Variants in ATP8B1 observed in about 807,000 individuals in gnomAD.
ATP8B1 encodes the protein ATPase phospholipid transporting 8B1.
A neutral mutation model predicts 149.9 loss-of-function variants in ATP8B1; 80 were observed. That is an observed-to-expected ratio of 0.53 (90% CI 0.45 to 0.64). The LOEUF is 0.64. ATP8B1 is among the 30% of genes least tolerant of loss of function. ATP8B1 has a pLI of 0.00. For synonymous variants in ATP8B1, 536 were observed against 562.8 expected, an observed-to-expected ratio of 0.95 and a Z score of 0.67; for missense variants, 1,247 against 1,552.6, an observed-to-expected ratio of 0.80 and a Z score of 3.31.
chr18:57,743,999 G>A (rs77562462), intron 1 of ATP8B1, among the ~76,000 whole-genome samples: 11,951 of 152,126 alleles, frequency 0.079, 619 homozygotes, highest in Middle Eastern at 0.15. Context: ...CTCAGTGCAT[G>A]AATCTAGCCA....
intron 4 of ATP8B1, 118 bp downstream of exon 4, chr18:57,704,437 C>CAG: frequency 1.3e-6 from 1 of 745,560 alleles, no homozygotes; most frequent in Admixed American, 2.1e-5. Flanking sequence ...CCTTTATGTA[C>CAG]AGAACCCTGA....
intron 4 of ATP8B1, 92 bp downstream of exon 4, chr18:57,704,463 C>T: frequency 1.1e-6 from 1 of 906,822 alleles, no homozygotes; most frequent in Non-Finnish European, 1.8e-6. Context: ...ATATAAAACA[C>T]TTTCAAGATT....
At chr18:57,777,224 C>T (rs145993144) in intron 1 of ATP8B1, among the ~76,000 whole-genome samples, 19 of 152,244 alleles carry the variant, frequency 1.2e-4, no homozygotes, top group African/African-American at 4.6e-4. Flanking sequence ...GCAATCTGCC[C>T]GGCTCAGCAT....
intron 1 of ATP8B1, among the ~76,000 whole-genome samples, chr18:57,774,604 A>AAAT (rs372007522): frequency 5.8e-4 from 51 of 88,624 alleles, no homozygotes; most frequent in African/African-American, 2.3e-3. Flanking sequence ...TCTCAAAAAT[A>AAAT]AATAAAATTT....
chr18:57,742,826 TA>T (rs35306074), intron 1 of ATP8B1, among the ~76,000 whole-genome samples: 91,545 of 143,940 alleles, frequency 0.64, 28,679 homozygotes, highest in African/African-American at 0.71. Flanking sequence ...CCCATCTCTA[TA>T]AAAAAAAAAA....
chr18:57,719,244 C>T (rs2079613240), intron 2 of ATP8B1, among the ~76,000 whole-genome samples: 1 of 152,062 alleles, frequency 6.6e-6, no homozygotes, highest in South Asian at 2.1e-4. Context: ...GAAAATAATC[C>T]CATTGGGAGG....
At chr18:57,659,843 A>C (rs980227396) in intron 22 of ATP8B1, 1 of 152,216 alleles carries the variant, frequency 6.6e-6, no homozygotes, top group African/African-American at 2.4e-5. Context: ...CAGACTCATG[A>C]GTCACAAAAT....
intron 1 of ATP8B1, among the ~76,000 whole-genome samples, chr18:57,767,487 A>G (rs2080222034): frequency 6.6e-6 from 1 of 152,204 alleles, no homozygotes; most frequent in African/African-American, 2.4e-5. Flanking sequence ...ACTAGGGGCT[A>G]GAAACAGGAA....
At chr18:57,755,298 A>G (rs778459259) in intron 1 of ATP8B1, 1 of 152,204 alleles carries the variant, frequency 6.6e-6, no homozygotes, top group Non-Finnish European at 1.5e-5. Flanking sequence ...CATGCATTAT[A>G]TAATAACATC....
chr18:57,708,999 T>TG (rs1240485315), intron 2 of ATP8B1, among the ~76,000 whole-genome samples: 1 of 152,164 alleles, frequency 6.6e-6, no homozygotes, highest in African/African-American at 2.4e-5. Flanking sequence ...GCCAATACTG[T>TG]GGGGAGCCTG....
At chr18:57,685,750 G>A (rs1354370702) in intron 13 of ATP8B1, among the ~76,000 whole-genome samples, 1 of 151,486 alleles carries the variant, frequency 6.6e-6, no homozygotes, top group East Asian at 1.9e-4. Context: ...TGGCTAGCAT[G>A]GTGAAACTCC....
chr18:57,698,961 T>C (rs1912972606), intron 6 of ATP8B1, among the ~76,000 whole-genome samples: 1 of 152,234 alleles, frequency 6.6e-6, no homozygotes, highest in Non-Finnish European at 1.5e-5. Flanking sequence ...TGTCTTGAAC[T>C]ATAAATTTCT....
At chr18:57,694,481 C>A in intron 11 of ATP8B1, 101 bp downstream of exon 11, 1 of 824,420 alleles carries the variant, frequency 1.2e-6, no homozygotes, top group Non-Finnish European at 2.0e-6. Flanking sequence ...TTTTCTATTC[C>A]ACCTAAAGAG....
At chr18:57,714,682 G>A (rs1007661928) in intron 2 of ATP8B1, among the ~76,000 whole-genome samples, 5 of 150,184 alleles carry the variant, frequency 3.3e-5, no homozygotes, top group African/African-American at 1.2e-4. Context: ...AAGAGTGTGG[G>A]CTTGATAATC....
chr18:57,686,228 C>T (rs1442377983), intron 13 of ATP8B1, among the ~76,000 whole-genome samples: 1 of 152,100 alleles, frequency 6.6e-6, no homozygotes, highest in Admixed American at 6.5e-5. Context: ...CGCACCACTG[C>T]ACTCCAGCCT....
Position 57,648,424 on chromosome 18 carries a change from C to T in ATP8B1, c.*64G>A. Reference sequence around the variant, plus strand: ...GCAATTCACACACACACACAAAGTCCTGAGAGTCTTTCATAAAAAAATAGA... The same window carrying T: ...GCAATTCACACACACACACAAAGTCTTGAGAGTCTTTCATAAAAAAATAGA... On this transcript the variant is annotated 3_prime_UTR_variant, in exon 28 of 28. Coordinates refer to ENST00000648908, the MANE Select transcript of ATP8B1 (RefSeq NM_001374385.1). 6.5e-7 allele frequency: 1 copy of T among 1,549,878 alleles called. No homozygotes were observed. Among genetic ancestry groups the T allele is most frequent in the South Asian group, 1.1e-5 (1 of 89,642 alleles).
At chr18:57,720,024 C>T (rs1002857861) in intron 2 of ATP8B1, among the ~76,000 whole-genome samples, 2 of 151,882 alleles carry the variant, frequency 1.3e-5, no homozygotes, top group African/African-American at 4.8e-5. Context: ...AACAGACCTG[C>T]AGCTGAGGGT....
chr18:57,693,037 C>G (rs1568198643), intron 11 of ATP8B1, among the ~76,000 whole-genome samples: 1 of 152,094 alleles, frequency 6.6e-6, no homozygotes, highest in Non-Finnish European at 1.5e-5. Flanking sequence ...GCCAAACAGG[C>G]TCTTTGAGAG....
Position 57,648,438 on chromosome 18 carries a change from T to TA in ATP8B1, c.*49dup, listed in dbSNP as rs764181773. Reference sequence around the variant, plus strand: ...CACACAAAGTCCTGAGAGTCTTTCATAAAAAAATAGACGTGCTTTGTGGCC... The same window carrying TA: ...CACACAAAGTCCTGAGAGTCTTTCATAAAAAAAATAGACGTGCTTTGTGGCC... On this transcript the variant is annotated 3_prime_UTR_variant, in exon 28 of 28. Coordinates refer to ENST00000648908, the MANE Select transcript of ATP8B1 (RefSeq NM_001374385.1). 1.4e-5 allele frequency: 23 copies of TA among 1,592,646 alleles called. 1 individual carries two copies. The highest frequency in any genetic ancestry group is 4.5e-5 in the East Asian group (2 of 44,788).
Sources: gnomAD v4.1 joint callset for allele counts (sites outside exome capture counted in the v4.1 genomes callset) on GRCh38, gnomAD v4.1.1 for gene constraint, MANE v1.5 for transcripts, NCBI Gene and HGNC (gene_info 2026-07-23, HGNC 2026-07-21) for gene names.